Variants in TXLNG observed in about 807,000 individuals in gnomAD.
TXLNG encodes taxilin gamma.
A neutral mutation model predicts 38.8 loss-of-function variants in TXLNG; 5 were observed. That is an observed-to-expected ratio of 0.13 (90% CI 0.07 to 0.27). The LOEUF is 0.27. Among genes scored for constraint, TXLNG ranks in the 10% least tolerant of loss-of-function variants. The pLI, the probability that TXLNG is intolerant of heterozygous loss-of-function variation, is 1.00. For missense variants in TXLNG, 393 were observed against 398.2 expected (o/e 0.99, Z 0.11); for synonymous variants, 182 against 158.2 (o/e 1.15, Z -1.13).
chrX:16,834,652 C>A (rs1929526700), intron 7 of TXLNG, among the ~76,000 whole-genome samples: 1 of 111,738 alleles, frequency 8.9e-6, no homozygotes, highest in Non-Finnish European at 1.9e-5. Context: ...TCTTCAGTGA[C>A]CCTTTCTAAG....
intron 9 of TXLNG, chrX:16,840,432 T>C (rs1488239370): frequency 1.3e-6 from 1 of 752,790 alleles, no homozygotes; most frequent in Non-Finnish European, 1.6e-6. Context: ...GCCTGTTTTA[T>C]ATAACACTTC....
chrX:16,834,795 T>C (rs1006798763), intron 7 of TXLNG, among the ~76,000 whole-genome samples: 4 of 112,772 alleles, frequency 3.5e-5, no homozygotes, highest in South Asian at 7.3e-4. Context: ...GACAAGAATA[T>C]GTCCTTGGCC....
chrX:16,838,292 C>T (rs1005061008), intron 8 of TXLNG, among the ~76,000 whole-genome samples: 2 of 111,913 alleles, frequency 1.8e-5, no homozygotes, highest in African/African-American at 6.5e-5. Context: ...CCTTATTTTA[C>T]TTGGCATCCT....
chrX:16,805,082 C>T lies in TXLNG; in HGVS notation c.103-13492C>T, dbSNP rs182184866. On this transcript the variant is annotated intron_variant, in intron 1 of 9. Transcript: ENST00000380122. ...TCATAGCTTGCTGATCTTCCAAGCT[C>T]AAGTGATCCTCCTACCTTAGCCTCC... 5.0e-3 allele frequency among the ~76,000 whole-genome samples: 492 copies of T among 97,805 alleles called. 4 individuals carry two copies. The highest frequency in any genetic ancestry group is 0.018 in the African/African-American group (478 of 26,568). 84.9% of individuals were successfully genotyped at this position (97,805 alleles called of 115,157 possible). A position where few individuals can be genotyped will look rare whatever the true frequency, so the allele number is the denominator to read the frequency against.
At chrX:16,815,179 TTTG>T (rs765668252) in intron 1 of TXLNG, among the ~76,000 whole-genome samples, 5 of 111,627 alleles carry the variant, frequency 4.5e-5, no homozygotes, top group African/African-American at 9.7e-5. Context: ...TTTGTTTGTT[TTTG>T]TTGTTGTTGT....
intron 1 of TXLNG, among the ~76,000 whole-genome samples, chrX:16,812,729 T>C (rs1928575074): frequency 1.2e-5 from 1 of 84,215 alleles, no homozygotes; most frequent in South Asian, 6.7e-4. Context: ...TGAGGTGGAG[T>C]TTCGCTCTTA....
Position 16,800,041 on chromosome X carries a change from G to C in TXLNG, c.102+13452G>C, listed in dbSNP as rs756191204. ...TGCAACCACCGCCTCCGGAGTTCAAGTGATTCTCTTGCCTCAGCCTCCCGA... is the reference window on the plus strand; with the variant it reads ...TGCAACCACCGCCTCCGGAGTTCAACTGATTCTCTTGCCTCAGCCTCCCGA... On this transcript the variant is annotated intron_variant, in intron 1 of 9. Coordinates refer to ENST00000380122, the MANE Select transcript of TXLNG (RefSeq NM_018360.3). Among the ~76,000 whole-genome samples the C allele has an allele frequency of 3.7e-5, 4 of 108,472 alleles. No homozygotes were observed. The South Asian group carries it at 1.2e-3, about 34-fold the overall frequency. 94.2% of individuals were successfully genotyped at this position (108,472 alleles called of 115,157 possible). A position where few individuals can be genotyped will look rare whatever the true frequency, so the allele number is the denominator to read the frequency against.
At chrX:16,808,309 G>A (rs1928399486) in intron 1 of TXLNG, among the ~76,000 whole-genome samples, 1 of 111,773 alleles carries the variant, frequency 8.9e-6, no homozygotes, top group Non-Finnish European at 1.9e-5. Context: ...TTTTCTGCAG[G>A]GAAGGGTTCT....
chrX:16,801,023 C>T (rs1928066853), intron 1 of TXLNG, among the ~76,000 whole-genome samples: 2 of 112,159 alleles, frequency 1.8e-5, no homozygotes, highest in Non-Finnish European at 3.8e-5. Flanking sequence ...CTTGCTTCTG[C>T]TCTCGCTGTG....
chrX:16,787,815 C>T (rs1276163736), intron 1 of TXLNG, among the ~76,000 whole-genome samples: 4 of 111,915 alleles, frequency 3.6e-5, no homozygotes, highest in Admixed American at 2.9e-4. Context: ...ACTCTTAACT[C>T]CTGTATGAAA....
Position 16,842,482 on chromosome X carries a change from A to AGGGGCTCCCGTAGAGGAT in TXLNG, c.*719_*736dup, listed in dbSNP as rs1929892096. On this transcript the variant is annotated 3_prime_UTR_variant, in exon 10 of 10. Transcript: ENST00000380122. ...TTTCAGGTGTGGGATTTGGACCATGAGGGGCTCCCGTAGAGGATGGCGGTT... is the reference window on the plus strand; with the variant it reads ...TTTCAGGTGTGGGATTTGGACCATGAGGGGCTCCCGTAGAGGATGGGGCTCCCGTAGAGGATGGCGGTT... 9.0e-6 allele frequency: 1 copy of AGGGGCTCCCGTAGAGGAT among 111,553 alleles called. No homozygotes were observed. The highest frequency in any genetic ancestry group is 1.9e-5 in the Non-Finnish European group (1 of 53,124). The allele number at this position is 111,553 out of a possible 1,213,427, so 9.2% of individuals were successfully genotyped here.
chrX:16,811,646 CTT>C (rs1211355941), intron 1 of TXLNG, among the ~76,000 whole-genome samples: 10 of 98,482 alleles, frequency 1.0e-4, no homozygotes, highest in Non-Finnish European at 6.2e-5. Flanking sequence ...CCGTGGCCGG[CTT>C]TTTTTTTTTT....
intron 1 of TXLNG, among the ~76,000 whole-genome samples, chrX:16,804,110 A>C (rs1244037172): frequency 8.9e-6 from 1 of 112,523 alleles, no homozygotes; most frequent in African/African-American, 3.2e-5. Context: ...ATTATGGTGA[A>C]CAATTTTGGG....
At chrX:16,796,972 C>G (rs990983576) in intron 1 of TXLNG, among the ~76,000 whole-genome samples, 12 of 111,415 alleles carry the variant, frequency 1.1e-4, no homozygotes, top group African/African-American at 3.9e-4. Context: ...AAAATTTTAA[C>G]ATTATTAATT....
intron 1 of TXLNG, among the ~76,000 whole-genome samples, chrX:16,805,893 CTTTCA>C (rs1928316648): frequency 8.9e-6 from 1 of 112,131 alleles, no homozygotes; most frequent in African/African-American, 3.2e-5. Flanking sequence ...AATAAATATC[CTTTCA>C]TTTCATTTCT....
intron 1 of TXLNG, among the ~76,000 whole-genome samples, chrX:16,787,756 T>G (rs1202521811): frequency 8.9e-6 from 1 of 112,031 alleles, no homozygotes; most frequent in Non-Finnish European, 1.9e-5. Flanking sequence ...TTGGATATCT[T>G]GCTTGATCAC....
At chrX:16,793,057 A>G (rs1451124558) in intron 1 of TXLNG, among the ~76,000 whole-genome samples, 2 of 108,791 alleles carry the variant, frequency 1.8e-5, no homozygotes, top group Non-Finnish European at 3.8e-5. Context: ...AGATCGTGCC[A>G]TTATACTCCA....
At chrX:16,806,085 G>A (rs1263612474) in intron 1 of TXLNG, among the ~76,000 whole-genome samples, 3 of 112,543 alleles carry the variant, frequency 2.7e-5, no homozygotes, top group Non-Finnish European at 5.6e-5. Context: ...GATTAAAATA[G>A]CCTTAGTGTA....
chrX:16,829,039 T>TC (rs768423015), intron 4 of TXLNG, among the ~76,000 whole-genome samples: 26 of 111,907 alleles, frequency 2.3e-4, no homozygotes, highest in Non-Finnish European at 4.7e-4. Flanking sequence ...ATTTTTTTTT[T>TC]CCCATAGGAA....
Sources: gnomAD v4.1 joint callset for allele counts (sites outside exome capture counted in the v4.1 genomes callset) on GRCh38, gnomAD v4.1.1 for gene constraint, MANE v1.5 for transcripts, NCBI Gene and HGNC (gene_info 2026-07-23, HGNC 2026-07-21) for gene names.